The following DPYSL2 variants were observed in gnomAD, a reference collection of about 807,000 sequenced individuals.
The protein encoded by DPYSL2 is dihydropyrimidinase like 2.
DPYSL2 carries 13 observed loss-of-function variants against 69.9 expected under a neutral mutation model. The ratio of observed to expected loss-of-function variants is 0.19; its 90% CI spans 0.12 to 0.30. The LOEUF is 0.30. Ranked by LOEUF, DPYSL2 falls within the 10% of genes least tolerant of loss-of-function variation. The pLI is 1.00. For missense variants in DPYSL2, 587 were observed against 918.9 expected (o/e 0.64, Z 4.67); for synonymous variants, 326 against 359.1 (o/e 0.91, Z 1.04).
At chr8:26,581,906 A>G (rs1801501617) in intron 1 of DPYSL2, 63 bp from the exon 2 acceptor site, 11 of 1,232,722 alleles carry the variant, frequency 8.9e-6, no homozygotes, top group South Asian at 1.2e-5. Flanking sequence ...TAGCTCACAT[A>G]TCTTAGCACC....
At chr8:26,635,306 A>C (rs1802885674) in intron 8 of DPYSL2, among the ~76,000 whole-genome samples, 1 of 152,218 alleles carries the variant, frequency 6.6e-6, no homozygotes, top group Admixed American at 6.5e-5. Context: ...GGGGTATGTA[A>C]GGCAGCTTTG....
chr8:26,630,456 G>A (rs1273259433), intron 7 of DPYSL2, among the ~76,000 whole-genome samples: 1 of 152,200 alleles, frequency 6.6e-6, no homozygotes, highest in Non-Finnish European at 1.5e-5. Context: ...CACAGAGTCC[G>A]GGAGAGGTGG....
intron 3 of DPYSL2, among the ~76,000 whole-genome samples, chr8:26,592,678 T>C (rs1801767053): frequency 6.6e-6 from 1 of 151,618 alleles, no homozygotes; most frequent in South Asian, 2.1e-4. Flanking sequence ...GGTTTCACCA[T>C]GTTAGTCAGG....
intron 1 of DPYSL2, among the ~76,000 whole-genome samples, chr8:26,536,006 C>T (rs1352933916): frequency 6.6e-6 from 1 of 151,750 alleles, no homozygotes; most frequent in Non-Finnish European, 1.5e-5. Context: ...ACCACAGCCC[C>T]AACTTCCCAG....
chr8:26,534,950 C>G (rs987359183), intron 1 of DPYSL2, among the ~76,000 whole-genome samples: 8 of 152,194 alleles, frequency 5.3e-5, no homozygotes, highest in Non-Finnish European at 1.0e-4. Context: ...TGTATTTTAT[C>G]TAGCTACAGC....
Position 26,655,619 on chromosome 8 carries a change from T to C in DPYSL2, c.1947T>C (p.Ala649=). Residue 649 remains alanine (A), a synonymous_variant, in exon 14 of 14, where the codon GCT becomes GCC. Transcript: ENST00000521913. The part of the protein sequence containing the change: ...LHQSGFSLSG[A]QIDDNIPRRT... ...TCTCTTCTCCTCTCCCTCCAGGTGC[T>C]CAGATTGATGACAACATTCCCCGCC... The C allele has an allele frequency of 6.2e-7, 1 of 1,607,518 alleles. No homozygotes were observed. The highest frequency in any genetic ancestry group is 8.5e-7 in the Non-Finnish European group (1 of 1,176,308).
In DPYSL2 at chr8:26,597,467, TTTTTC is replaced by T. The variant is rs921950243; in HGVS notation, c.628+13499_628+13503del. Among the ~76,000 whole-genome samples, 11 of 152,020 alleles carry T rather than the reference TTTTTC, an allele frequency of 7.2e-5. No individual in the cohort carries two copies. The highest frequency in any genetic ancestry group is 9.7e-5 in the African/African-American group (4 of 41,398). ...TGGGAAACACCACGGGCAGATGGCA[TTTTTC>T]TTTTCTTTTCTTTTTTTTTGGATAC... On this transcript the variant is annotated intron_variant, in intron 3 of 13. Transcript: ENST00000521913. This position sits in a 1 kb window ranked among gnomAD's most constrained non-coding sequence, Gnocchi z 5.2.
At position 26,571,484 on chromosome 8, in the gene DPYSL2, C is replaced by T. The variant is rs1251496491; in HGVS notation, c.355-10485C>T. Among the ~76,000 whole-genome samples the T allele has an allele frequency of 1.3e-5, 2 of 152,090 alleles. No individual in the cohort carries two copies. Among genetic ancestry groups the T allele is most frequent in the African/African-American group, 2.4e-5 (1 of 41,404 alleles). Reference sequence around the variant, plus strand: ...TGTCCCCATCAGGGATAGAAAGACCCCAGGGAACATCTGTAGCCACCCAGA... The same window carrying T: ...TGTCCCCATCAGGGATAGAAAGACCTCAGGGAACATCTGTAGCCACCCAGA... On this transcript the variant is annotated intron_variant, in intron 1 of 13. Transcript: ENST00000521913. The surrounding 1 kb of genome is among the most constrained non-coding windows in gnomAD (Gnocchi z 6.1).
At chr8:26,603,844 G>A (rs7834325) in intron 3 of DPYSL2, among the ~76,000 whole-genome samples, 2,075 of 152,010 alleles carry the variant, frequency 0.014, 48 homozygotes, top group African/African-American at 0.049. Flanking sequence ...ATATTTCATC[G>A]TATATATAGA....
At chr8:26,520,846 T>A (rs1357928434) in intron 1 of DPYSL2, among the ~76,000 whole-genome samples, 8 of 152,126 alleles carry the variant, frequency 5.3e-5, no homozygotes, top group Non-Finnish European at 1.2e-4. Context: ...ACCCACCTTA[T>A]GGTTTCCAGA....
chr8:26,547,361 T>TAA (rs1389604840), intron 1 of DPYSL2, among the ~76,000 whole-genome samples: 1 of 104,292 alleles, frequency 9.6e-6, no homozygotes, highest in East Asian at 2.3e-4. Flanking sequence ...AGACCCTGAT[T>TAA]GAAAAAAAAA....
At position 26,626,818 on chromosome 8, in the gene DPYSL2, C is replaced by T. The variant is rs969950393; in HGVS notation, c.855+140C>T. The T allele has an allele frequency of 1.1e-6, 1 of 881,256 alleles. No individual in the cohort carries two copies. The highest frequency in any genetic ancestry group is 1.8e-6 in the Non-Finnish European group (1 of 563,772). The allele number at this position is 881,256 out of a possible 1,614,324, so 54.6% of individuals were successfully genotyped here. ...CTGGTGGATGCAGTTACTGATGTAA[C>T]TGAGCCTTGGAAGAGAGTATGAACG... On this transcript the variant is annotated intron_variant, in intron 5 of 13. Transcript: ENST00000521913. This position sits in a 1 kb window ranked among gnomAD's most constrained non-coding sequence, Gnocchi z 4.3.
Position 26,650,764 on chromosome 8 carries a change from G to A in DPYSL2, c.1597-1493G>A, listed in dbSNP as rs972903533. On this transcript the variant is annotated intron_variant, in intron 11 of 13. Transcript: ENST00000521913. This position sits in a 1 kb window ranked among gnomAD's most constrained non-coding sequence, Gnocchi z 5.3. ...GGTGGCAGAAAATCTCGCAGGCCTCGACCTTGGCATTGGTTGCCAAGAGGG... is the reference window on the plus strand; with the variant it reads ...GGTGGCAGAAAATCTCGCAGGCCTCAACCTTGGCATTGGTTGCCAAGAGGG... Among the ~76,000 whole-genome samples, 12 of 152,198 alleles carry A rather than the reference G, an allele frequency of 7.9e-5. No individual in the cohort carries two copies. The highest frequency in any genetic ancestry group is 1.3e-4 in the Non-Finnish European group (9 of 68,050).
intron 8 of DPYSL2, among the ~76,000 whole-genome samples, chr8:26,637,290 A>G (rs1802943752): frequency 6.6e-6 from 1 of 152,236 alleles, no homozygotes; most frequent in Non-Finnish European, 1.5e-5. Context: ...AGGAATGAGA[A>G]GTCCTAGCTA....
At chr8:26,561,080 G>C (rs10108849) in intron 1 of DPYSL2, among the ~76,000 whole-genome samples, 47,052 of 151,972 alleles carry the variant, frequency 0.31, 7,712 homozygotes, top group African/African-American at 0.43. Context: ...TGGGAGGGGG[G>C]TGAGTATGAG....
At chr8:26,584,590 C>T (rs1027825296) in intron 3 of DPYSL2, among the ~76,000 whole-genome samples, 1 of 147,336 alleles carries the variant, frequency 6.8e-6, no homozygotes, top group Non-Finnish European at 1.5e-5. Flanking sequence ...GTGCCCCTTA[C>T]GTATTGCTCC....
At position 26,519,067 on chromosome 8, in the gene DPYSL2, A is replaced by G. The variant is rs117588741; in HGVS notation, c.354+4388A>G. ...GGACCGCCAGTGACAACTTCTGGCC[A>G]TGACCTTTGCATATTGCATATGCAA... On this transcript the variant is annotated intron_variant, in intron 1 of 13. Coordinates refer to ENST00000521913, the MANE Select transcript of DPYSL2 (RefSeq NM_001197293.3). 5.2e-3 allele frequency among the ~76,000 whole-genome samples: 799 copies of G among 152,332 alleles called. 3 individuals carry two copies. Among genetic ancestry groups the G allele is most frequent in the Non-Finnish European group, 8.2e-3 (559 of 68,036 alleles).
At chr8:26,536,345 C>T (rs1800592265) in intron 1 of DPYSL2, among the ~76,000 whole-genome samples, 1 of 151,830 alleles carries the variant, frequency 6.6e-6, no homozygotes, top group Non-Finnish European at 1.5e-5. Context: ...ATGCATGAGC[C>T]ACTGTGTTTG....
rs1056718225 is a variant in DPYSL2 at position 26,587,653 on chromosome 8, C to T, written c.628+3670C>T. 6.6e-6 allele frequency among the ~76,000 whole-genome samples: 1 copy of T among 152,210 alleles called. No individual in the cohort carries two copies. The highest frequency in any genetic ancestry group is 1.5e-5 in the Non-Finnish European group (1 of 68,038). On this transcript the variant is annotated intron_variant, in intron 3 of 13. Coordinates refer to ENST00000521913, the MANE Select transcript of DPYSL2 (RefSeq NM_001197293.3). This position sits in a 1 kb window ranked among gnomAD's most constrained non-coding sequence, Gnocchi z 4.2. ...ATCACACAATGAGATCTTTATGAGG[C>T]GGACTCAGTGTGGAGCAGGGGGAAC...
Sources: gnomAD v4.1 joint callset for allele counts (sites outside exome capture counted in the v4.1 genomes callset) on GRCh38, gnomAD v4.1.1 for gene constraint, Gnocchi (gnomAD v3.1) non-coding constraint, MANE v1.5 for transcripts, NCBI Gene and HGNC (gene_info 2026-07-23, HGNC 2026-07-21) for gene names.